The following CA10 variants were observed in gnomAD, a reference collection of about 807,000 sequenced individuals.
The protein encoded by CA10 is carbonic anhydrase-related protein 10.
A neutral mutation model predicts 44.2 loss-of-function variants in CA10; 14 were observed. The ratio of observed to expected loss-of-function variants is 0.32; its 90% CI spans 0.21 to 0.50. The LOEUF is 0.50. Among genes scored for constraint, CA10 ranks in the 20% least tolerant of loss-of-function variants. CA10 has a pLI of 0.99. For missense variants in CA10, 350 were observed against 409.7 expected, an observed-to-expected ratio of 0.85 and a Z score of 1.26; for synonymous variants, 159 against 141.6, an observed-to-expected ratio of 1.12 and a Z score of -0.87.
At chr17:51,654,905 GC>G (rs5820870) in intron 4 of CA10, among the ~76,000 whole-genome samples, 2,299 of 151,340 alleles carry the variant, frequency 0.015, 44 homozygotes, top group African/African-American at 0.054. Flanking sequence ...AAAACGTGAT[GC>G]CCCCCCCACC....
rs145476301 is a variant in CA10 at position 51,746,671 on chromosome 17, T to A, written c.465+962A>T. 7.5e-4 allele frequency among the ~76,000 whole-genome samples: 114 copies of A among 152,290 alleles called. 1 individual carries two copies. In the East Asian group the frequency reaches 0.018, roughly 24 times the overall value. ...GGAGCCCTTTTTTTAAATCTCTGTA[T>A]CCCTGGTAACTAGCTGAGTGCCTAG... On this transcript the variant is annotated intron_variant, in intron 4 of 8. Transcript: ENST00000451037.
chr17:52,099,909 A>C (rs2143243511), intron 1 of CA10, among the ~76,000 whole-genome samples: 1 of 152,186 alleles, frequency 6.6e-6, no homozygotes, highest in Non-Finnish European at 1.5e-5. Context: ...ACAAGGGAAA[A>C]CCCTCTAGAT....
At chr17:52,031,833 TAC>T (rs1986475910) in intron 2 of CA10, among the ~76,000 whole-genome samples, 1 of 152,228 alleles carries the variant, frequency 6.6e-6, no homozygotes, top group African/African-American at 2.4e-5. Flanking sequence ...GAAAAAAAGA[TAC>T]AGTTGATAAA....
intron 3 of CA10, among the ~76,000 whole-genome samples, chr17:51,805,834 T>G (rs1400305735): frequency 6.6e-6 from 1 of 152,214 alleles, no homozygotes; most frequent in African/African-American, 2.4e-5. Context: ...AGACAATTCA[T>G]TCCCCAGGGA....
At chr17:51,826,188 G>A (rs1908002686) in intron 3 of CA10, among the ~76,000 whole-genome samples, 1 of 152,142 alleles carries the variant, frequency 6.6e-6, no homozygotes, top group Non-Finnish European at 1.5e-5. Context: ...TATACACGTG[G>A]AAGAACTGAA....
At chr17:51,943,299 GTTCA>G (rs1983154086) in intron 2 of CA10, among the ~76,000 whole-genome samples, 1 of 152,118 alleles carries the variant, frequency 6.6e-6, no homozygotes, top group African/African-American at 2.4e-5. Context: ...TGGCTATATT[GTTCA>G]TTGTCTTAAA....
chr17:51,764,879 C>T (rs752345233), intron 3 of CA10, among the ~76,000 whole-genome samples: 12 of 152,186 alleles, frequency 7.9e-5, no homozygotes, highest in Non-Finnish European at 1.5e-4. Context: ...TTAACATCCC[C>T]ATTCTCATTT....
intron 2 of CA10, among the ~76,000 whole-genome samples, chr17:51,990,201 T>C (rs150092039): frequency 5.5e-4 from 84 of 152,234 alleles, no homozygotes; most frequent in African/African-American, 1.8e-3. Flanking sequence ...GATGGCTTCA[T>C]TTGTGTTTTC....
intron 3 of CA10, among the ~76,000 whole-genome samples, chr17:51,776,130 C>A (rs530349544): frequency 6.6e-6 from 1 of 152,140 alleles, no homozygotes; most frequent in African/African-American, 2.4e-5. Context: ...AGAGCTGAGG[C>A]AGGCAGATCA....
intron 3 of CA10, among the ~76,000 whole-genome samples, chr17:51,916,289 G>A (rs1981994082): frequency 6.6e-6 from 1 of 152,170 alleles, no homozygotes; most frequent in Admixed American, 6.5e-5. Flanking sequence ...ATACCTATAT[G>A]CCATCCTTAT....
At chr17:52,094,601 G>A (rs976291251) in intron 1 of CA10, among the ~76,000 whole-genome samples, 3 of 152,010 alleles carry the variant, frequency 2.0e-5, no homozygotes, top group Non-Finnish European at 4.4e-5. Context: ...ATACTCATAC[G>A]GTATCCAGAA....
chr17:52,009,183 T>C (rs910389398), intron 2 of CA10, among the ~76,000 whole-genome samples: 2 of 151,936 alleles, frequency 1.3e-5, no homozygotes, highest in African/African-American at 4.8e-5. Context: ...TAATTCAATT[T>C]TGAAAGTTTT....
intron 2 of CA10, among the ~76,000 whole-genome samples, chr17:52,012,322 C>T (rs560936786): frequency 7.2e-4 from 110 of 151,862 alleles, no homozygotes; most frequent in Non-Finnish European, 9.6e-4. Flanking sequence ...TTAACAATGG[C>T]CACACAGCTG....
At chr17:51,675,478 G>C (rs1453589904) in intron 4 of CA10, among the ~76,000 whole-genome samples, 1 of 151,820 alleles carries the variant, frequency 6.6e-6, no homozygotes, top group East Asian at 1.9e-4. Context: ...GAACCCAGGA[G>C]GCAGAGGTTG....
chr17:51,776,330 G>A (rs985396788), intron 3 of CA10, among the ~76,000 whole-genome samples: 2 of 152,088 alleles, frequency 1.3e-5, no homozygotes, highest in Non-Finnish European at 1.5e-5. Context: ...GGTTGAGAAT[G>A]CGCCACTGCA....
chr17:51,826,830 T>G (rs532507599), intron 3 of CA10, among the ~76,000 whole-genome samples: 2 of 152,330 alleles, frequency 1.3e-5, no homozygotes, highest in Admixed American at 1.3e-4. Flanking sequence ...CTGAGGTCAC[T>G]GCTGCCCTCA....
intron 3 of CA10, among the ~76,000 whole-genome samples, chr17:51,792,287 T>C (rs1906551518): frequency 6.6e-6 from 1 of 152,186 alleles, no homozygotes; most frequent in Admixed American, 6.5e-5. Context: ...CCCTGTTGCT[T>C]CTCCATCTCC....
chr17:51,703,706 T>G (rs1226566584), intron 4 of CA10, among the ~76,000 whole-genome samples: 1 of 152,194 alleles, frequency 6.6e-6, no homozygotes, highest in Non-Finnish European at 1.5e-5. Flanking sequence ...GATGGGCTCC[T>G]GAGGAAACAC....
At chr17:51,639,683 A>ATACT (rs577228322) in intron 6 of CA10, among the ~76,000 whole-genome samples, 2 of 152,172 alleles carry the variant, frequency 1.3e-5, no homozygotes, top group African/African-American at 2.4e-5. Flanking sequence ...AATCTTGTTA[A>ATACT]TACTTATACT....
Sources: allele counts gnomAD v4.1 joint callset (sites outside exome capture counted in the v4.1 genomes callset), GRCh38; gene constraint gnomAD v4.1.1; transcripts MANE v1.5; gene names NCBI Gene and HGNC (gene_info 2026-07-23, HGNC 2026-07-21).